DENND1A: variants seen among roughly 807,000 people sequenced by gnomAD.
The protein encoded by DENND1A is DENN domain containing 1A.
In DENND1A, 51 loss-of-function variants were observed where a neutral mutation model predicts 113.7. The observed-to-expected ratio is 0.45, with a 90% CI of 0.36 to 0.57. The LOEUF (loss-of-function observed/expected upper bound fraction) is 0.57. Ranked by LOEUF, DENND1A falls within the 20% of genes least tolerant of loss-of-function variation. The probability of loss-of-function intolerance (pLI) is 0.00; values close to 1 mark genes in which losing one functional copy is unlikely to be tolerated. For missense variants in DENND1A, 1,258 were observed against 1,395.9 expected (o/e 0.90, Z 1.57); for synonymous variants, 565 against 570.8 (o/e 0.99, Z 0.14).
chr9:123,921,313 T>A (rs1473952403), intron 1 of DENND1A, among the ~76,000 whole-genome samples: 1 of 152,186 alleles, frequency 6.6e-6, no homozygotes, highest in Non-Finnish European at 1.5e-5. Context: ...CTTCCTTCCA[T>A]AAATATTATT....
At chr9:123,840,669 G>A (rs747815062) in intron 2 of DENND1A, among the ~76,000 whole-genome samples, 18 of 152,066 alleles carry the variant, frequency 1.2e-4, no homozygotes, top group Admixed American at 7.9e-4. Context: ...TCAAAGAGTC[G>A]CCATTATTAT....
chr9:123,811,714 G>A (rs563596746), intron 2 of DENND1A, among the ~76,000 whole-genome samples: 19 of 152,272 alleles, frequency 1.2e-4, no homozygotes, highest in Non-Finnish European at 2.2e-4. Flanking sequence ...AGCGGAGATC[G>A]CACCACTGCA....
At chr9:123,913,862 G>A (rs1225321727) in intron 1 of DENND1A, among the ~76,000 whole-genome samples, 6 of 147,482 alleles carry the variant, frequency 4.1e-5, no homozygotes, top group South Asian at 4.2e-4. Flanking sequence ...CTGAGATCAC[G>A]CCATTGCACT....
chr9:123,915,027 C>A (rs142515913), intron 1 of DENND1A, among the ~76,000 whole-genome samples: 1 of 152,034 alleles, frequency 6.6e-6, no homozygotes, highest in African/African-American at 2.4e-5. Context: ...AGGCCAAGGC[C>A]CCCACAAAGG....
intron 13 of DENND1A, among the ~76,000 whole-genome samples, chr9:123,476,942 T>C (rs942821776): frequency 6.6e-6 from 1 of 152,186 alleles, no homozygotes; most frequent in South Asian, 2.1e-4. Context: ...CTCTTCCTCA[T>C]GGCTGCATCC....
intron 11 of DENND1A, among the ~76,000 whole-genome samples, chr9:123,586,843 A>AG (rs2059191860): frequency 6.6e-6 from 1 of 152,134 alleles, no homozygotes; most frequent in Admixed American, 6.6e-5. Flanking sequence ...GCCATCAGTC[A>AG]GGGACACTAG....
chr9:123,448,990 T>C (rs571940263), intron 18 of DENND1A, among the ~76,000 whole-genome samples: 90 of 152,302 alleles, frequency 5.9e-4, no homozygotes, highest in Non-Finnish European at 9.9e-4. Flanking sequence ...CAAACATCTT[T>C]TGGAAAACAA....
intron 2 of DENND1A, among the ~76,000 whole-genome samples, chr9:123,816,823 C>T (rs1178812372): frequency 6.6e-6 from 1 of 152,116 alleles, no homozygotes; most frequent in Non-Finnish European, 1.5e-5. Flanking sequence ...GTTAAAGGAA[C>T]ATAGTAGATA....
In DENND1A at chr9:123,381,861, C is replaced by T. The variant is rs370140041; in HGVS notation, c.2784G>A (p.Ala928=). 48 of 1,460,698 alleles carry T rather than the reference C, an allele frequency of 3.3e-5. No individual in the cohort carries two copies. The Middle Eastern group carries it at 5.8e-4, about 18-fold the overall frequency. The allele number at this position is 1,460,698 out of a possible 1,614,324, so 90.5% of individuals were successfully genotyped here. Residue 928 remains alanine (A), a synonymous_variant, in exon 24 of 24, where the codon GCG becomes GCA. Coordinates refer to ENST00000394215, the MANE Select transcript of DENND1A (RefSeq NM_001352964.2). The surrounding 1 kb of genome is among the most constrained non-coding windows in gnomAD (Gnocchi z 4.7). ...APPASLGPAF[A]SGLLLSSAGF... ...CAGCACTGGACAGCAGGAGGCCGGA[C>T]GCAAAAGCCGGCCCCAGGGAAGCTG...
chr9:123,587,235 T>C (rs968198042), intron 11 of DENND1A, among the ~76,000 whole-genome samples: 9 of 152,180 alleles, frequency 5.9e-5, no homozygotes, highest in African/African-American at 2.2e-4. Context: ...AGCATTTGTA[T>C]GTAGAAGTAC....
chr9:123,904,534 G>A (rs1010803326), intron 1 of DENND1A, among the ~76,000 whole-genome samples: 15 of 144,226 alleles, frequency 1.0e-4, no homozygotes, highest in Non-Finnish European at 1.5e-4. Flanking sequence ...GGAGCTGATG[G>A]AGCTGAAAAC....
At chr9:123,591,580 A>C (rs946803807) in intron 11 of DENND1A, among the ~76,000 whole-genome samples, 2 of 152,192 alleles carry the variant, frequency 1.3e-5, no homozygotes, top group Non-Finnish European at 2.9e-5. Flanking sequence ...GCCAGCACTG[A>C]GTGAATCTTT....
intron 13 of DENND1A, among the ~76,000 whole-genome samples, chr9:123,533,584 C>G (rs886178126): frequency 7.2e-5 from 11 of 152,190 alleles, no homozygotes; most frequent in African/African-American, 2.7e-4. Flanking sequence ...TGTACTTGTA[C>G]AATGTCTCAA....
Position 123,383,682 on chromosome 9 carries a change from C to T in DENND1A, c.1992G>A (p.Arg664=), listed in dbSNP as rs774779902. The change falls in exon 23 of 24, where the codon AGG becomes AGA. Residue 664 remains arginine (R), a synonymous_variant. Coordinates refer to ENST00000394215, the MANE Select transcript of DENND1A (RefSeq NM_001352964.2). ...LEDLRAPKDL[R]EQPGTFDYQR... ...GATAGTCAAAGGTCCCTGGCTGCTC[C>T]CTCAGGTCTTTGGGGGCACGAAGGT... 68 of 1,614,078 alleles carry T rather than the reference C, an allele frequency of 4.2e-5. No homozygotes were observed. Among genetic ancestry groups the T allele is most frequent in the Non-Finnish European group, 5.4e-5 (64 of 1,180,000 alleles).
chr9:123,908,850 A>T (rs1853408866), intron 1 of DENND1A, among the ~76,000 whole-genome samples: 2 of 152,242 alleles, frequency 1.3e-5, no homozygotes, highest in African/African-American at 2.4e-5. Context: ...ATTACTGGGT[A>T]TATACCCAAA....
At chr9:123,479,251 C>T (rs575694558) in intron 13 of DENND1A, among the ~76,000 whole-genome samples, 8 of 152,288 alleles carry the variant, frequency 5.3e-5, no homozygotes, top group African/African-American at 1.9e-4. Flanking sequence ...CTGTCACCTG[C>T]CACCTTTCAA....
At position 123,573,351 on chromosome 9, in the gene DENND1A, T is replaced by C. The variant is rs137990926; in HGVS notation, c.867+9818A>G. Among the ~76,000 whole-genome samples the C allele has an allele frequency of 1.0e-3, 152 of 152,290 alleles. 2 individuals carry two copies. The highest frequency in any genetic ancestry group is 6.8e-3 in the Middle Eastern group (2 of 294). ...ATCTGGAATTTGGGTTGGGATTATATTGAATCTATAGATCAATTTAGGGAA... is the reference window on the plus strand; with the variant it reads ...ATCTGGAATTTGGGTTGGGATTATACTGAATCTATAGATCAATTTAGGGAA... On this transcript the variant is annotated intron_variant, in intron 12 of 23. Coordinates refer to ENST00000394215, the MANE Select transcript of DENND1A (RefSeq NM_001352964.2).
At chr9:123,406,048 C>T (rs2043822576) in intron 20 of DENND1A, among the ~76,000 whole-genome samples, 1 of 152,174 alleles carries the variant, frequency 6.6e-6, no homozygotes, top group Non-Finnish European at 1.5e-5. Flanking sequence ...ACTTCCTGCC[C>T]ACCCTTTTTC....
At chr9:123,478,079 A>C (rs941017033) in intron 13 of DENND1A, among the ~76,000 whole-genome samples, 1 of 152,170 alleles carries the variant, frequency 6.6e-6, no homozygotes, top group African/African-American at 2.4e-5. Context: ...AGTTTCTAGA[A>C]CCTGGATTTA....
Sources: allele counts gnomAD v4.1 joint callset (sites outside exome capture counted in the v4.1 genomes callset), GRCh38; gene constraint gnomAD v4.1.1; non-coding constraint Gnocchi (gnomAD v3.1); transcripts MANE v1.5; gene names NCBI Gene and HGNC (gene_info 2026-07-23, HGNC 2026-07-21).